Variants in LAMA2 observed in about 807,000 individuals in gnomAD.
The protein encoded by LAMA2 is laminin subunit alpha-2.
LAMA2 carries 269 observed loss-of-function variants against 364.8 expected under a neutral mutation model. That is an observed-to-expected ratio of 0.74 (90% CI 0.67 to 0.82). The LOEUF (loss-of-function observed/expected upper bound fraction) is 0.82. Ranked by LOEUF, LAMA2 falls within the 40% of genes least tolerant of loss-of-function variation. The pLI is 0.00. For missense variants in LAMA2, 3,807 were observed against 3,873.2 expected (o/e 0.98, Z 0.45); for synonymous variants, 1,379 against 1,370.6 (o/e 1.01, Z -0.14).
At chr6:129,432,557 T>G (rs1467608111) in intron 41 of LAMA2, among the ~76,000 whole-genome samples, 2 of 152,266 alleles carry the variant, frequency 1.3e-5, no homozygotes, top group African/African-American at 4.8e-5. Context: ...TCTATGGCGT[T>G]TTTTGCAAGT....
intron 3 of LAMA2, among the ~76,000 whole-genome samples, chr6:129,071,441 G>A (rs535249452): frequency 5.3e-5 from 8 of 151,660 alleles, no homozygotes; most frequent in African/African-American, 1.2e-4. Flanking sequence ...TTTACTTCTC[G>A]TTATTTTTTA....
intron 29 of LAMA2, among the ~76,000 whole-genome samples, chr6:129,332,559 A>G (rs1024253371): frequency 6.6e-6 from 1 of 152,210 alleles, no homozygotes; most frequent in Non-Finnish European, 1.5e-5. Flanking sequence ...TTGTAATTAA[A>G]TTAGCCTATT....
intron 4 of LAMA2, among the ~76,000 whole-genome samples, chr6:129,124,824 A>G (rs942501545): frequency 1.1e-4 from 17 of 152,326 alleles, no homozygotes; most frequent in East Asian, 7.7e-4. Flanking sequence ...CAACAACTCA[A>G]AAAGAAACCT....
Position 129,004,459 on chromosome 6 carries a change from T to G in LAMA2, c.113-45459T>G, listed in dbSNP as rs375301621. 7.4e-5 allele frequency among the ~76,000 whole-genome samples: 11 copies of G among 148,314 alleles called. No individual in the cohort carries two copies. The East Asian group carries it at 2.1e-3, about 28-fold the overall frequency. ...GTATGATGACAAATGGTCATTTTCC[T>G]TAAAATAAAATCATATATCACTACT... is the stretch of plus-strand genomic sequence containing the variant. On this transcript the variant is annotated intron_variant, in intron 1 of 64. Transcript: ENST00000421865.
rs748561685 is a variant in LAMA2, at chr6:129,460,202, G to A, written c.6870G>A (p.Lys2290=). 12 of 1,611,904 alleles carry A rather than the reference G, an allele frequency of 7.4e-6. No homozygotes were observed. The highest frequency in any genetic ancestry group is 6.7e-5 in the African/African-American group (5 of 74,780). The stretch of plus-strand genomic sequence containing the variant: ...AATAACGGTATTTCTTTCTGCAGAA[G>A]GCTGATGCTGTACGTGTGATTACAT... ...FVGGLTGKLK[K]ADAVRVITFT... is the part of the protein sequence containing the mutation. The change falls in exon 49 of 65, where the codon AAG becomes AAA. Residue 2290 remains lysine, a splice_region_variant and synonymous_variant. Transcript: ENST00000421865.
chr6:129,005,374 C>CT (rs1784384423), intron 1 of LAMA2, among the ~76,000 whole-genome samples: 2 of 151,874 alleles, frequency 1.3e-5, no homozygotes, highest in African/African-American at 2.4e-5. Context: ...TCTGACCACT[C>CT]TAATATCTCA....
At chr6:129,051,593 A>T (rs1447815496) in intron 2 of LAMA2, among the ~76,000 whole-genome samples, 2 of 149,876 alleles carry the variant, frequency 1.3e-5, no homozygotes, top group Non-Finnish European at 3.0e-5. Flanking sequence ...TTTTGTTAAT[A>T]TTATTTCATA....
chr6:128,942,402 C>G (rs1393392636), intron 1 of LAMA2, among the ~76,000 whole-genome samples: 2 of 152,088 alleles, frequency 1.3e-5, no homozygotes, highest in African/African-American at 4.8e-5. Flanking sequence ...TTGAAGACTA[C>G]AGAAATCTCT....
rs773648797 is a variant in LAMA2 at position 129,505,195 on chromosome 6, T to G, written c.8548-5T>G. On this transcript the variant is annotated splice_polypyrimidine_tract_variant and splice_region_variant and intron_variant, in intron 60 of 64. Transcript: ENST00000421865. ...TGGCATTAATGACTCCTTTCTTTTT[T>G]GTAGATTAAGATAATGAGAAGTAAG... The G allele has an allele frequency of 1.2e-6, 2 of 1,613,136 alleles. No individual in the cohort carries two copies. The highest frequency in any genetic ancestry group is 1.7e-6 in the Non-Finnish European group (2 of 1,179,242).
At chr6:129,320,083 A>G (rs1175708120) in intron 27 of LAMA2, among the ~76,000 whole-genome samples, 4 of 152,134 alleles carry the variant, frequency 2.6e-5, no homozygotes, top group Admixed American at 2.6e-4. Flanking sequence ...TAGTGAGCCA[A>G]GATTATGCCA....
At chr6:129,478,565 C>G (rs901841862) in intron 53 of LAMA2, 128 bp from the exon 54 acceptor site, 2 of 934,502 alleles carry the variant, frequency 2.1e-6, no homozygotes, top group Non-Finnish European at 3.5e-6. Flanking sequence ...GCTGGGTACA[C>G]GTGTGCACAG....
chr6:129,326,162 G>T (rs1490707228), intron 28 of LAMA2, among the ~76,000 whole-genome samples: 1 of 152,116 alleles, frequency 6.6e-6, no homozygotes, highest in African/African-American at 2.4e-5. Flanking sequence ...CCTTTTAAAT[G>T]CACACATACA....
chr6:129,460,374 G>T (rs778855532), intron 49 of LAMA2, 50 bp downstream of exon 49: 5 of 1,573,336 alleles, frequency 3.2e-6, no homozygotes, highest in Middle Eastern at 1.7e-4. Flanking sequence ...CATAATAAAA[G>T]CTTCGATTTT....
Position 129,480,250 on chromosome 6 carries a change from TG to T in LAMA2, c.7573-1012del. Among the ~76,000 whole-genome samples, 3 of 152,340 alleles carry T rather than the reference TG, an allele frequency of 2.0e-5. No homozygotes were observed. The Middle Eastern group carries it at 0.01, about 518-fold the overall frequency. ...TGTCATTTAACTGGTCTTGAAACAC[TG>T]TGGGAGGAAAATAGCCTACATTAAA... On this transcript the variant is annotated intron_variant, in intron 54 of 64. Coordinates refer to ENST00000421865, the MANE Select transcript of LAMA2 (RefSeq NM_000426.4).
intron 37 of LAMA2, among the ~76,000 whole-genome samples, chr6:129,393,568 C>T (rs1317308499): frequency 6.6e-6 from 1 of 152,212 alleles, no homozygotes; most frequent in Non-Finnish European, 1.5e-5. Context: ...GTCTCAATGA[C>T]AACTGTGCCA....
chr6:129,494,182 C>T (rs1311820698), intron 58 of LAMA2, among the ~76,000 whole-genome samples: 2 of 152,138 alleles, frequency 1.3e-5, no homozygotes, highest in Non-Finnish European at 2.9e-5. Context: ...TATTCCATAC[C>T]AGTAATGGGT....
At chr6:129,288,079 G>A in intron 19 of LAMA2, 21 bp downstream of exon 19, 1 of 1,595,432 alleles carries the variant, frequency 6.3e-7, no homozygotes, top group Non-Finnish European at 8.6e-7. Context: ...AACTATTGAT[G>A]CCCCTGACAG....
intron 9 of LAMA2, 39 bp downstream of exon 9, chr6:129,165,714 G>A: frequency 7.8e-7 from 1 of 1,279,394 alleles, no homozygotes; most frequent in Non-Finnish European, 1.1e-6. Flanking sequence ...CTGATAAAAG[G>A]ACAACTAAAA....
intron 20 of LAMA2, among the ~76,000 whole-genome samples, chr6:129,294,193 G>C (rs750696377): frequency 3.2e-4 from 49 of 152,268 alleles, no homozygotes; most frequent in Non-Finnish European, 4.6e-4. Context: ...CCAAGCCAAT[G>C]GGATATACCC....
Sources: gnomAD v4.1 joint callset for allele counts (sites outside exome capture counted in the v4.1 genomes callset) on GRCh38, gnomAD v4.1.1 for gene constraint, MANE v1.5 for transcripts, NCBI Gene and HGNC (gene_info 2026-07-23, HGNC 2026-07-21) for gene names.